The following DCHS2 variants were observed in gnomAD, a reference collection of about 807,000 sequenced individuals.
The protein encoded by DCHS2 is dachsous cadherin-related 2, also known as protocadherin-23.
A neutral mutation model predicts 182.4 loss-of-function variants in DCHS2; 142 were observed. That is an observed-to-expected ratio of 0.78 (90% CI 0.68 to 0.89). The LOEUF (loss-of-function observed/expected upper bound fraction) is 0.89. DCHS2 is among the 40% of genes least tolerant of loss of function. The probability of loss-of-function intolerance (pLI) is 0.00; values close to 1 mark genes in which losing one functional copy is unlikely to be tolerated. For synonymous variants in DCHS2, 1,740 were observed against 1,663.3 expected, an observed-to-expected ratio of 1.05 and a Z score of -1.12; for missense variants, 4,319 against 4,198.6, an observed-to-expected ratio of 1.03 and a Z score of -0.79.
chr4:154,364,653 G>A (rs888392420), intron 3 of DCHS2, among the ~76,000 whole-genome samples: 3 of 152,194 alleles, frequency 2.0e-5, no homozygotes, highest in African/African-American at 7.2e-5. Flanking sequence ...ACAAGGCACA[G>A]TTTCCAGGCA....
rs70947158 is a variant in DCHS2, at chr4:154,304,632, AAAAC to A, written c.5605+33_5605+36del. The A allele has an allele frequency of 3.0e-4, 456 of 1,499,654 alleles. 3 individuals are homozygous for A. The highest frequency in any genetic ancestry group is 2.7e-3 in the South Asian group (200 of 74,194). 92.9% of individuals were successfully genotyped at this position (1,499,654 alleles called of 1,614,324 possible). A position where few individuals can be genotyped will look rare whatever the true frequency, so the allele number is the denominator to read the frequency against. On this transcript the variant is annotated intron_variant, in intron 12 of 19. Transcript: ENST00000357232. ...TGACAGAGTGAGACTCTGTCTTAAA[AAAAC>A]AAACAAACAAACAAACAAACAAACA...
intron 1 of DCHS2, among the ~76,000 whole-genome samples, chr4:154,383,494 T>G (rs1731263295): frequency 6.6e-6 from 1 of 152,116 alleles, no homozygotes; most frequent in Non-Finnish European, 1.5e-5. Context: ...AAAAATAAAG[T>G]AAAATACAAA....
rs781661022 is a variant in DCHS2, at chr4:154,329,680, C to T, written c.3761G>A (p.Arg1254His). 5.1e-5 allele frequency: 82 copies of T among 1,611,866 alleles called. No individual in the cohort carries two copies. The highest frequency in any genetic ancestry group is 6.5e-5 in the Non-Finnish European group (77 of 1,179,808). The change falls in exon 6 of 20, where the codon CGT becomes CAT. Residue 1254 changes from arginine (R) to histidine (H), a missense_variant. Transcript: ENST00000357232. ...GELINWVALD[R>H]EHRGHHEMTV... is the part of the protein sequence containing the mutation. ...CATCTCATGGTGCCCCCGGTGCTCA[C>T]GATCCAGTGCCACCCAATTGATTAA...
chr4:154,236,400 GA>G lies in DCHS2; in HGVS notation c.8251del (p.Ser2751LeufsTer41). The G allele has an allele frequency of 1.2e-6, 2 of 1,614,038 alleles. No homozygotes were observed. The highest frequency in any genetic ancestry group is 8.5e-7 in the Non-Finnish European group (1 of 1,179,950). ...GACACTGACAAACACAACTGCAAAA[GA>G]AAAATGTTTCTTTTCTGCATCTGAA... is the stretch of plus-strand genomic sequence containing the variant. ...QASDAEKKHF[S>X]FAVVFVSVLD... On this transcript the variant is annotated frameshift_variant, in exon 20 of 20. Coordinates refer to ENST00000357232, the MANE Select transcript of DCHS2 (RefSeq NM_001358235.2). LOFTEE classifies it low-confidence loss of function (END_TRUNC).
chr4:154,336,067 G>T (rs1266350357), intron 3 of DCHS2, among the ~76,000 whole-genome samples: 1 of 152,192 alleles, frequency 6.6e-6, no homozygotes, highest in Non-Finnish European at 1.5e-5. Context: ...CCCTGAACTA[G>T]ACCGTGTAGG....
At chr4:154,415,717 G>T (rs1470299633) in intron 1 of DCHS2, among the ~76,000 whole-genome samples, 3 of 152,112 alleles carry the variant, frequency 2.0e-5, no homozygotes, top group African/African-American at 7.2e-5. Context: ...GGAGGAAACC[G>T]AGGTCGGTGA....
rs538271673 is a variant in DCHS2 at position 154,457,407 on chromosome 4, A to G, written c.2052+31897T>C. Among the ~76,000 whole-genome samples, 5 of 152,314 alleles carry G rather than the reference A, an allele frequency of 3.3e-5. No homozygotes were observed. The South Asian group carries it at 1.0e-3, about 32-fold the overall frequency. ...CTATTAACATGACACAAATAAAAGC[A>G]AGCACCATTTTAACTAAATGAGAAA... On this transcript the variant is annotated intron_variant, in intron 1 of 19. Transcript: ENST00000357232.
At chr4:154,271,733 A>G (rs1363996003) in intron 13 of DCHS2, among the ~76,000 whole-genome samples, 1 of 152,152 alleles carries the variant, frequency 6.6e-6, no homozygotes, top group Non-Finnish European at 1.5e-5. Flanking sequence ...CTTGTTTTGT[A>G]AAAGTATTTT....
chr4:154,261,516 G>A (rs575234566), intron 14 of DCHS2, among the ~76,000 whole-genome samples: 3 of 152,178 alleles, frequency 2.0e-5, no homozygotes, highest in Non-Finnish European at 4.4e-5. Context: ...CCTGGGAGCT[G>A]CAGTTTTTAT....
intron 1 of DCHS2, among the ~76,000 whole-genome samples, chr4:154,403,455 T>C (rs1175398286): frequency 6.6e-6 from 1 of 152,218 alleles, no homozygotes; most frequent in Non-Finnish European, 1.5e-5. Flanking sequence ...CTAATTTACA[T>C]TGATTTTCAA....
chr4:154,450,757 C>T (rs140445362), intron 1 of DCHS2, among the ~76,000 whole-genome samples: 43 of 151,870 alleles, frequency 2.8e-4, no homozygotes, highest in African/African-American at 8.9e-4. Flanking sequence ...CACTTGAACG[C>T]GGAAGGCAGA....
intron 12 of DCHS2, among the ~76,000 whole-genome samples, 187 bp downstream of exon 12, chr4:154,304,482 C>T (rs142413256): frequency 5.7e-4 from 86 of 152,148 alleles, no homozygotes; most frequent in African/African-American, 1.9e-3. Context: ...TCAACTCAGT[C>T]AGCATCCTGG....
intron 3 of DCHS2, among the ~76,000 whole-genome samples, chr4:154,352,035 CCA>C (rs998381705): frequency 1.3e-5 from 2 of 151,684 alleles, no homozygotes; most frequent in African/African-American, 4.8e-5. Flanking sequence ...TGAACTAACT[CCA>C]CACACACACA....
At position 154,490,215 on chromosome 4, in the gene DCHS2, A is replaced by G. The variant is rs1728756487; in HGVS notation, c.1141T>C (p.Leu381=). ...LDREAQAWHQ[L]VVEARDGGAE... ...CCTCCATCGCGGGCCTCCACCACCA[A>G]CTGGTGCCAGGCCTGTGCCTCGCGG... is the stretch of plus-strand genomic sequence containing the variant. Residue 381 remains leucine, a synonymous_variant, in exon 1 of 20, where the codon TTG becomes CTG. Transcript: ENST00000357232. 6.5e-7 allele frequency: 1 copy of G among 1,549,382 alleles called. No homozygotes were observed. Among genetic ancestry groups the G allele is most frequent in the Non-Finnish European group, 8.7e-7 (1 of 1,146,700 alleles).
intron 3 of DCHS2, chr4:154,357,357 G>T (rs753125652): frequency 7.2e-7 from 1 of 1,397,416 alleles, no homozygotes; most frequent in Non-Finnish European, 1.0e-6. Flanking sequence ...GCTGGTGGGA[G>T]CAGGGAAAAG....
At chr4:154,410,658 T>C (rs961549771) in intron 1 of DCHS2, among the ~76,000 whole-genome samples, 5 of 147,136 alleles carry the variant, frequency 3.4e-5, no homozygotes, top group Non-Finnish European at 7.4e-5. Flanking sequence ...ATTCACATTA[T>C]AAGAGTTGCA....
chr4:154,367,948 T>C (rs1412661708), intron 2 of DCHS2, among the ~76,000 whole-genome samples: 1 of 141,014 alleles, frequency 7.1e-6, no homozygotes, highest in Non-Finnish European at 1.6e-5. Context: ...TGAGGTCCCT[T>C]GTACTCCAGG....
chr4:154,253,128 G>A (rs893456107), intron 16 of DCHS2, among the ~76,000 whole-genome samples: 31 of 151,658 alleles, frequency 2.0e-4, no homozygotes, highest in Admixed American at 1.7e-3. Context: ...GAGAGCCCAG[G>A]GAGGAAGGAG....
At chr4:154,373,847 C>A in intron 2 of DCHS2, 3 of 1,257,776 alleles carry the variant, frequency 2.4e-6, no homozygotes, top group Non-Finnish European at 2.3e-6. Context: ...AAGGAAAACT[C>A]GAAGCTCTGA....
Sources: allele counts gnomAD v4.1 joint callset (sites outside exome capture counted in the v4.1 genomes callset), GRCh38; gene constraint gnomAD v4.1.1; transcripts MANE v1.5; gene names NCBI Gene and HGNC (gene_info 2026-07-23, HGNC 2026-07-21).